The following FAM193A variants were observed in gnomAD, a reference collection of about 807,000 sequenced individuals.
FAM193A encodes the protein family with sequence similarity 193 member A.
Under a neutral mutation model 126.5 loss-of-function variants are expected in FAM193A, and 22 were observed. That is an observed-to-expected ratio of 0.17 (90% CI 0.12 to 0.25). The LOEUF (loss-of-function observed/expected upper bound fraction) is 0.25, where lower values mean the gene tolerates loss of function less well. Ranked by LOEUF, FAM193A falls within the 10% of genes least tolerant of loss-of-function variation. The pLI, the probability that FAM193A is intolerant of heterozygous loss-of-function variation, is 1.00. For synonymous variants in FAM193A, 761 were observed against 646.8 expected (o/e 1.18, Z -2.68); for missense variants, 1,675 against 1,672.8 (o/e 1.00, Z -0.02).
chr4:2,610,778 C>G (rs935620070), intron 2 of FAM193A, among the ~76,000 whole-genome samples: 24 of 152,046 alleles, frequency 1.6e-4, no homozygotes, highest in Admixed American at 3.9e-4. Context: ...GCTCTTGTCA[C>G]CCAGGCTGGA....
intron 2 of FAM193A, among the ~76,000 whole-genome samples, chr4:2,618,190 G>C (rs903318099): frequency 2.6e-5 from 4 of 152,176 alleles, no homozygotes; most frequent in African/African-American, 9.7e-5. Context: ...GTTTTCAGCA[G>C]TTTGACTGTG....
At chr4:2,559,503 T>C (rs1738469312) in intron 1 of FAM193A, among the ~76,000 whole-genome samples, 1 of 152,196 alleles carries the variant, frequency 6.6e-6, no homozygotes, top group Non-Finnish European at 1.5e-5. Context: ...CAATTATAGC[T>C]CATTGTCAAC....
intron 7 of FAM193A, among the ~76,000 whole-genome samples, chr4:2,649,799 T>A (rs910618510): frequency 1.3e-5 from 2 of 152,250 alleles, no homozygotes; most frequent in African/African-American, 2.4e-5. Context: ...AGACCAGTAC[T>A]AGTCCATGGC....
At chr4:2,606,250 C>T (rs1741545015) in intron 2 of FAM193A, among the ~76,000 whole-genome samples, 1 of 151,706 alleles carries the variant, frequency 6.6e-6, no homozygotes, top group Non-Finnish European at 1.5e-5. Flanking sequence ...GGGGGTTTCA[C>T]CATCTTGGTC....
At chr4:2,664,795 C>T (rs182199439) in intron 12 of FAM193A, among the ~76,000 whole-genome samples, 1 of 152,026 alleles carries the variant, frequency 6.6e-6, no homozygotes, top group South Asian at 2.1e-4. Flanking sequence ...GAACTCCTGA[C>T]CTTGTGATCC....
In FAM193A at chr4:2,577,422, G is replaced by GTTTTTTTGTTTT. The variant is rs1553888656; in HGVS notation, c.256-18655_256-18654insGTTTTTTTTTTT. 2.8e-3 allele frequency among the ~76,000 whole-genome samples: 329 copies of GTTTTTTTGTTTT among 115,558 alleles called. 8 individuals are homozygous for GTTTTTTTGTTTT. Among genetic ancestry groups the GTTTTTTTGTTTT allele is most frequent in the Middle Eastern group, 5.6e-3 (1 of 178 alleles). The allele number at this position is 115,558 out of a possible 152,430, so 75.8% of individuals were successfully genotyped here. On this transcript the variant is annotated intron_variant, in intron 1 of 20. Transcript: ENST00000637812. Reference sequence around the variant, plus strand: ...ACTCAATTAAAGTGGTTTTTTTTTTGTTTTTTTTTTTTTTGAGACAGAGTC... The same window carrying GTTTTTTTGTTTT: ...ACTCAATTAAAGTGGTTTTTTTTTTGTTTTTTTGTTTTTTTTTTTTTTTTTTGAGACAGAGTC...
intron 1 of FAM193A, among the ~76,000 whole-genome samples, chr4:2,587,958 G>A (rs1245718833): frequency 6.6e-6 from 1 of 152,168 alleles, no homozygotes; most frequent in Non-Finnish European, 1.5e-5. Flanking sequence ...ACAGGGTGGG[G>A]TCTGGTTGTG....
At chr4:2,629,374 A>G (rs148873173) in intron 4 of FAM193A, among the ~76,000 whole-genome samples, 98 of 152,316 alleles carry the variant, frequency 6.4e-4, no homozygotes, top group African/African-American at 2.2e-3. Context: ...ACAGTTTTTT[A>G]TACTAGTAGT....
chr4:2,598,182 C>G (rs538698087), intron 2 of FAM193A, among the ~76,000 whole-genome samples: 1 of 152,194 alleles, frequency 6.6e-6, no homozygotes, highest in South Asian at 2.1e-4. Context: ...CATGAGCCAC[C>G]GCGCCTGGCC....
At chr4:2,647,090 G>A (rs942265616) in intron 7 of FAM193A, among the ~76,000 whole-genome samples, 19 of 152,164 alleles carry the variant, frequency 1.2e-4, no homozygotes, top group Non-Finnish European at 2.1e-4. Context: ...CCTTGGCCTG[G>A]GCACACCTGC....
chr4:2,620,862 A>G (rs1400415280), intron 2 of FAM193A, among the ~76,000 whole-genome samples: 1 of 149,442 alleles, frequency 6.7e-6, no homozygotes, highest in Non-Finnish European at 1.5e-5. Context: ...AAAAAAAGTA[A>G]TTAACAAGTA....
chr4:2,721,312 C>CAAAA (rs56875674), intron 20 of FAM193A, among the ~76,000 whole-genome samples: 2 of 70,014 alleles, frequency 2.9e-5, no homozygotes, highest in African/African-American at 1.3e-4. Flanking sequence ...GACTCCGTCT[C>CAAAA]AAAAAAAAAA....
At chr4:2,590,446 A>G (rs538703003) in intron 1 of FAM193A, among the ~76,000 whole-genome samples, 1 of 134,000 alleles carries the variant, frequency 7.5e-6, no homozygotes, top group East Asian at 2.4e-4. Context: ...GCCTGGTGAC[A>G]GAGCGAGACT....
intron 1 of FAM193A, among the ~76,000 whole-genome samples, chr4:2,575,636 T>C (rs1476576374): frequency 6.6e-6 from 1 of 151,856 alleles, no homozygotes; most frequent in South Asian, 2.1e-4. Flanking sequence ...CTAGCTAATT[T>C]TTGTATTTTT....
rs1310115149 is a variant in FAM193A, at chr4:2,732,543, T to G, written c.*675T>G. On this transcript the variant is annotated 3_prime_UTR_variant, in exon 21 of 21. Coordinates refer to ENST00000637812, the MANE Select transcript of FAM193A (RefSeq NM_001366318.2). ...TAATATTAAAATCATGTCTTTCTTT[T>G]TGAAAGATGGAATACATTAGTACAG... The G allele has an allele frequency of 6.5e-6, 1 of 152,802 alleles. No homozygotes were observed. Among genetic ancestry groups the G allele is most frequent in the Non-Finnish European group, 1.5e-5 (1 of 68,174 alleles). 9.5% of individuals were successfully genotyped at this position (152,802 alleles called of 1,614,324 possible).
At chr4:2,694,898 G>A (rs1445390869) in intron 16 of FAM193A, 48 bp from the exon 17 acceptor site, 1 of 1,502,320 alleles carries the variant, frequency 6.7e-7, no homozygotes, top group Admixed American at 2.3e-5. Context: ...GTGAGTCATT[G>A]CCTCCCGGGC....
intron 19 of FAM193A, among the ~76,000 whole-genome samples, chr4:2,704,630 C>A (rs902315022): frequency 6.6e-6 from 1 of 152,082 alleles, no homozygotes; most frequent in African/African-American, 2.4e-5. Flanking sequence ...CTAGCTACGT[C>A]CAAGTTCTCC....
At position 2,642,338 on chromosome 4, in the gene FAM193A, C is replaced by T. The variant is rs376456389; in HGVS notation, c.1163+2479C>T. Among the ~76,000 whole-genome samples, 75 of 152,052 alleles carry T rather than the reference C, an allele frequency of 4.9e-4. 1 individual carries two copies. The South Asian group carries it at 0.015, about 30-fold the overall frequency. ...ACAAAAAAATCAGAACAAGGTGTTA[C>T]GGGGCGTGTGGCCAGCTGGCAGGTG... On this transcript the variant is annotated intron_variant, in intron 6 of 20. Coordinates refer to ENST00000637812, the MANE Select transcript of FAM193A (RefSeq NM_001366318.2).
At chr4:2,587,121 C>T (rs1334469784) in intron 1 of FAM193A, among the ~76,000 whole-genome samples, 3 of 152,142 alleles carry the variant, frequency 2.0e-5, no homozygotes, top group Non-Finnish European at 4.4e-5. Flanking sequence ...TAATTTTGCT[C>T]CTGGTTCTGC....
Sources: allele counts gnomAD v4.1 joint callset (sites outside exome capture counted in the v4.1 genomes callset), GRCh38; gene constraint gnomAD v4.1.1; transcripts MANE v1.5; gene names NCBI Gene and HGNC (gene_info 2026-07-23, HGNC 2026-07-21).